The following ZWILCH variants were observed in gnomAD, a reference collection of about 807,000 sequenced individuals.
ZWILCH encodes the protein zwilch kinetochore protein.
ZWILCH carries 74 observed loss-of-function variants against 79.9 expected under a neutral mutation model. The ratio of observed to expected loss-of-function variants is 0.93; its 90% CI spans 0.77 to 1.12. The LOEUF (loss-of-function observed/expected upper bound fraction) is 1.12. ZWILCH is among the 50% of genes most tolerant of loss of function. The pLI is 0.00. For missense variants in ZWILCH, 694 were observed against 687.5 expected (o/e 1.01, Z -0.11); for synonymous variants, 241 against 228.2 (o/e 1.06, Z -0.51).
intron 17 of ZWILCH, among the ~76,000 whole-genome samples, chr15:66,540,714 C>A (rs558109380): frequency 6.6e-6 from 1 of 150,476 alleles, no homozygotes; most frequent in East Asian, 2.1e-4. Flanking sequence ...CTGCAGCCTC[C>A]GCCTCCTGGG....
chr15:66,506,271 A>G (rs1351013212), intron 1 of ZWILCH, among the ~76,000 whole-genome samples: 2 of 152,258 alleles, frequency 1.3e-5, no homozygotes, highest in Non-Finnish European at 2.9e-5. Flanking sequence ...TAGCTTTTAA[A>G]AAAAACTGGC....
chr15:66,510,654 T>C (rs1595902839), intron 2 of ZWILCH, among the ~76,000 whole-genome samples: 1 of 152,314 alleles, frequency 6.6e-6, no homozygotes, highest in African/African-American at 2.4e-5. Flanking sequence ...CACAAAAATT[T>C]ATTCTCTCCC....
At chr15:66,546,782 TC>T in intron 18 of ZWILCH, 77 bp downstream of exon 18, 2 of 675,372 alleles carry the variant, frequency 3.0e-6, no homozygotes, top group Non-Finnish European at 4.6e-6. Flanking sequence ...TTCTACATTA[TC>T]AATGTCGATT....
chr15:66,534,222 CTATT>C (rs1361501809), intron 14 of ZWILCH, among the ~76,000 whole-genome samples: 2 of 152,006 alleles, frequency 1.3e-5, no homozygotes, highest in African/African-American at 2.4e-5. Context: ...AGTGTAACAA[CTATT>C]TATGTAGCAT....
At chr15:66,513,874 ACT>A in intron 2 of ZWILCH, 112 bp from the exon 3 acceptor site, 2 of 756,954 alleles carry the variant, frequency 2.6e-6, no homozygotes, top group Non-Finnish European at 4.0e-6. Context: ...CCCGGCCGAG[ACT>A]CTGTCTCTTA....
At chr15:66,542,722 A>G (rs1595923747) in intron 17 of ZWILCH, among the ~76,000 whole-genome samples, 2 of 152,066 alleles carry the variant, frequency 1.3e-5, no homozygotes, top group South Asian at 4.1e-4. Flanking sequence ...TAAAAATAAG[A>G]TATGCTTGCT....
intron 11 of ZWILCH, 61 bp downstream of exon 11, chr15:66,529,018 T>C: frequency 7.5e-7 from 1 of 1,342,192 alleles, no homozygotes. Context: ...TTTAAGTCTT[T>C]TGGAAATAAT....
chr15:66,513,266 T>G (rs1894136554), intron 2 of ZWILCH, among the ~76,000 whole-genome samples: 2 of 151,926 alleles, frequency 1.3e-5, no homozygotes, highest in African/African-American at 2.4e-5. Flanking sequence ...CCAGTTGGAA[T>G]GAGAATGTAT....
At chr15:66,527,976 C>T (rs910061316) in intron 10 of ZWILCH, 64 bp downstream of exon 10, 1 of 1,385,934 alleles carries the variant, frequency 7.2e-7, no homozygotes, top group Non-Finnish European at 9.9e-7. Flanking sequence ...GTTATGCTGA[C>T]ATCTTTCATG....
intron 14 of ZWILCH, 53 bp downstream of exon 14, chr15:66,533,066 G>A: frequency 1.5e-6 from 2 of 1,337,746 alleles, no homozygotes; most frequent in Non-Finnish European, 2.1e-6. Flanking sequence ...CAGTCATTCT[G>A]TGTGCAGTTA....
chr15:66,524,145 G>A (rs952396846), intron 8 of ZWILCH, among the ~76,000 whole-genome samples: 1 of 152,060 alleles, frequency 6.6e-6, no homozygotes, highest in African/African-American at 2.4e-5. Context: ...GTTTTCACAT[G>A]TCTTGGGTGG....
chr15:66,550,041 C>A lies in ZWILCH; in HGVS notation c.*1717C>A. The stretch of plus-strand genomic sequence containing the variant: ...AAAACATTGAAATATACTGACTCAC[C>A]TGCAGCAAGCATCTGATTGTTGATA... On this transcript the variant is annotated 3_prime_UTR_variant, in exon 19 of 19. Coordinates refer to ENST00000307897, the MANE Select transcript of ZWILCH (RefSeq NM_017975.5). 1 of 1,596,560 alleles carries A rather than the reference C, an allele frequency of 6.3e-7. No homozygotes were observed. The highest frequency in any genetic ancestry group is 8.5e-7 in the Non-Finnish European group (1 of 1,171,488).
At chr15:66,544,723 TTTGTGTGTGTGTG>T (rs1895306144) in intron 17 of ZWILCH, among the ~76,000 whole-genome samples, 1 of 114,768 alleles carries the variant, frequency 8.7e-6, no homozygotes, top group African/African-American at 3.4e-5. Flanking sequence ...TTTTTTGGTT[TTTGTGTGTGTGTG>T]TGTGTGTGTG....
At chr15:66,540,561 G>A (rs1267678031) in intron 17 of ZWILCH, among the ~76,000 whole-genome samples, 9 of 149,796 alleles carry the variant, frequency 6.0e-5, no homozygotes, top group Non-Finnish European at 1.2e-4. Flanking sequence ...TCCAAAAAAA[G>A]AAAAAAGAAA....
At chr15:66,526,017 G>A (rs1477099051) in intron 8 of ZWILCH, among the ~76,000 whole-genome samples, 5 of 151,986 alleles carry the variant, frequency 3.3e-5, no homozygotes, top group Admixed American at 2.0e-4. Context: ...ACCTGTCTCG[G>A]CCACCCAAAG....
intron 8 of ZWILCH, chr15:66,524,635 G>A (rs1227199976): frequency 6.6e-6 from 1 of 152,104 alleles, no homozygotes; most frequent in East Asian, 1.9e-4. Context: ...TCTTGTCAGT[G>A]TGTTTATAAA....
At chr15:66,517,430 G>GTATA (rs1555424251) in intron 4 of ZWILCH, among the ~76,000 whole-genome samples, 27 of 66,516 alleles carry the variant, frequency 4.1e-4, no homozygotes, top group Middle Eastern at 0.016. Flanking sequence ...GTGTGTGTGT[G>GTATA]TATATATATA....
At chr15:66,529,095 C>T (rs756848210) in intron 11 of ZWILCH, 138 bp downstream of exon 11, 34 of 646,476 alleles carry the variant, frequency 5.3e-5, no homozygotes, top group Non-Finnish European at 7.7e-5. Flanking sequence ...TTTCTAATGA[C>T]ACATTGGTGC....
Position 66,532,670 on chromosome 15 carries a change from T to C in ZWILCH, c.1312+267T>C, listed in dbSNP as rs1894891976. ...GGTTCTATAAAGTTAGTATTTTAAA[T>C]AAAAAAATCCTTTTATGAGATGCTG... On this transcript the variant is annotated intron_variant, in intron 13 of 18. Transcript: ENST00000307897. 3.3e-5 allele frequency among the ~76,000 whole-genome samples: 5 copies of C among 151,974 alleles called. No homozygotes were observed. The South Asian group carries it at 1.0e-3, about 32-fold the overall frequency.
Sources: allele counts gnomAD v4.1 joint callset (sites outside exome capture counted in the v4.1 genomes callset), GRCh38; gene constraint gnomAD v4.1.1; transcripts MANE v1.5; gene names NCBI Gene and HGNC (gene_info 2026-07-23, HGNC 2026-07-21).